Variants in ZFHX2 observed in about 807,000 individuals in gnomAD.
The protein encoded by ZFHX2 is zinc finger homeobox 2, also known as zinc finger homeobox protein 2.
ZFHX2 carries 75 observed loss-of-function variants against 164.8 expected under a neutral mutation model. That is an observed-to-expected ratio of 0.46 (90% CI 0.38 to 0.55). ZFHX2 has a LOEUF of 0.55. Ranked by LOEUF, ZFHX2 falls within the 20% of genes least tolerant of loss-of-function variation. ZFHX2 has a pLI of 0.00. For synonymous variants in ZFHX2, 1,217 were observed against 1,351.4 expected (o/e 0.90, Z 2.18); for missense variants, 2,933 against 3,308.0 (o/e 0.89, Z 2.78).
rs1387801934 is a variant in ZFHX2, at chr14:23,535,366, G to A, written c.-41C>T. On this transcript the variant is annotated 5_prime_UTR_variant, in exon 2 of 10. Transcript: ENST00000419474. The surrounding 1 kb of genome is among the most constrained non-coding windows in gnomAD (Gnocchi z 4.5). Reference sequence around the variant, plus strand: ...GCTGGGGGCTCATGTCAGCGTGACAGCCAGTACCCTGTAGGGAGACAAGGA... The same window carrying A: ...GCTGGGGGCTCATGTCAGCGTGACAACCAGTACCCTGTAGGGAGACAAGGA... 7.0e-7 allele frequency: 1 copy of A among 1,438,540 alleles called. No individual in the cohort carries two copies. The highest frequency in any genetic ancestry group is 2.8e-5 in the Admixed American group (1 of 35,872). The allele number at this position is 1,438,540 out of a possible 1,614,324, so 89.1% of individuals were successfully genotyped here. A position where few individuals can be genotyped will look rare whatever the true frequency, so the allele number is the denominator to read the frequency against.
In ZFHX2 at chr14:23,523,391, C is replaced by T. The variant is rs1566570556; in HGVS notation, c.6551G>A (p.Ser2184Asn). 2.0e-6 allele frequency: 3 copies of T among 1,505,874 alleles called. No individual in the cohort carries two copies. The South Asian group carries it at 3.8e-5, about 19-fold the overall frequency. 93.3% of individuals were successfully genotyped at this position (1,505,874 alleles called of 1,614,324 possible). A position where few individuals can be genotyped will look rare whatever the true frequency, so the allele number is the denominator to read the frequency against. The change falls in exon 9 of 10, where the codon AGT becomes AAT. Residue 2184 changes from serine (S) to asparagine (N), a missense_variant. Physicochemically the swap from Ser to Asn is conservative, Grantham distance 46. Transcript: ENST00000419474. The surrounding 1 kb of genome is among the most constrained non-coding windows in gnomAD (Gnocchi z 4.1). ...LKEAVRAQLK[S>N]ESKCYDLAPA... ...GGCCAAGTCGTAGCACTTGCTTTCA[C>T]TCTTCAGCTGGGCTCGAACCGCCTC... is the stretch of plus-strand genomic sequence containing the variant.
Position 23,551,674 on chromosome 14 carries a change from TCTCCTCCTC to T in ZFHX2, c.-390_-382del, listed in dbSNP as rs1161562213. ...CCTGCCTCCTCCTCCTCCTCCTCCTTCTCCTCCTCGCCCTCCTCCTCCTCCTCCTCCTCG... is the reference window on the plus strand; with the variant it reads ...CCTGCCTCCTCCTCCTCCTCCTCCTTGCCCTCCTCCTCCTCCTCCTCCTCG... On this transcript the variant is annotated 5_prime_UTR_variant, in exon 1 of 10. Transcript: ENST00000419474. The surrounding 1 kb of genome is among the most constrained non-coding windows in gnomAD (Gnocchi z 5.3). 3 of 151,636 alleles carry T rather than the reference TCTCCTCCTC, an allele frequency of 2.0e-5. No homozygotes were observed. Among genetic ancestry groups the T allele is most frequent in the African/African-American group, 5.0e-5 (2 of 39,966 alleles). 9.4% of individuals were successfully genotyped at this position (151,636 alleles called of 1,614,324 possible).
chr14:23,547,963 C>A (rs767543265), intron 1 of ZFHX2, among the ~76,000 whole-genome samples: 3 of 152,136 alleles, frequency 2.0e-5, no homozygotes, highest in Non-Finnish European at 4.4e-5. Flanking sequence ...GTCCCATTTC[C>A]CCCCTTTCTG....
rs1219186156 is a variant in ZFHX2 at position 23,524,060 on chromosome 14, C to T, written c.5882G>A (p.Arg1961Lys). 14 of 1,517,738 alleles carry T rather than the reference C, an allele frequency of 9.2e-6. No individual in the cohort carries two copies. The highest frequency in any genetic ancestry group is 1.7e-4 in the Middle Eastern group (1 of 5,890). The allele number at this position is 1,517,738 out of a possible 1,614,324, so 94.0% of individuals were successfully genotyped here. A position where few individuals can be genotyped will look rare whatever the true frequency, so the allele number is the denominator to read the frequency against. Residue 1961 changes from arginine (R) to lysine (K), a missense_variant, in exon 9 of 10, where the codon AGG (arginine) becomes AAG (lysine). Coordinates refer to ENST00000419474, the MANE Select transcript of ZFHX2 (RefSeq NM_033400.3). The surrounding 1 kb of genome is among the most constrained non-coding windows in gnomAD (Gnocchi z 5.6). The stretch of plus-strand genomic sequence containing the variant: ...GGGGTAGGGAAAAGCAGGTGCTTCC[C>T]TCTTTGGGGCTTCCCTCCCAGTGCC... ...DDGTGREAPK[R>K]EAPAFPYPTA...
rs774782273 is a variant in ZFHX2, at chr14:23,524,519, G to A, written c.5423C>T (p.Pro1808Leu). 47 of 1,526,240 alleles carry A rather than the reference G, an allele frequency of 3.1e-5. No individual in the cohort carries two copies. Among genetic ancestry groups the A allele is most frequent in the Admixed American group, 5.9e-5 (3 of 50,448 alleles). The allele number at this position is 1,526,240 out of a possible 1,614,324, so 94.5% of individuals were successfully genotyped here. Residue 1808 changes from proline (P) to leucine (L), a missense_variant, in exon 9 of 10, where the codon CCC (proline) becomes CTC (leucine). By Grantham distance (98) the Pro-to-Leu change is moderately conservative. Transcript: ENST00000419474. The surrounding 1 kb of genome is among the most constrained non-coding windows in gnomAD (Gnocchi z 5.6). ...GTTTCTCTCCCCAAACACCAGCAAG[G>A]GCAGATCTAGGAGTTGGGGGGGAGC... ...PSAPPQLLDL[P>L]LLVFGERNPL...
rs1878547518 is a variant in ZFHX2 at position 23,525,207 on chromosome 14, C to T, written c.4735G>A (p.Glu1579Lys). The T allele has an allele frequency of 6.5e-7, 1 of 1,536,144 alleles. No homozygotes were observed. Among genetic ancestry groups the T allele is most frequent in the Non-Finnish European group, 8.7e-7 (1 of 1,146,920 alleles). Residue 1579 changes from glutamate (E) to lysine (K), a missense_variant, in exon 9 of 10, where the codon GAG (glutamate) becomes AAG (lysine). By Grantham distance (56) the Glu-to-Lys change is moderately conservative. Transcript: ENST00000419474. This position sits in a 1 kb window ranked among gnomAD's most constrained non-coding sequence, Gnocchi z 5.9. Reference protein sequence around the residue: ...SRAGGHWPIEEEESSRGNLPP... With the variant: ...SRAGGHWPIEKEESSRGNLPP... ...AGATTCCCTCTGGAGCTTTCTTCCT[C>T]TTCTATGGGCCAGTGTCCCCCTGCT...
At chr14:23,549,248 TCCTC>T (rs1336017846) in intron 1 of ZFHX2, among the ~76,000 whole-genome samples, 1 of 152,124 alleles carries the variant, frequency 6.6e-6, no homozygotes, top group Non-Finnish European at 1.5e-5. Context: ...GCATAGATTT[TCCTC>T]CCTTCCTTTG....
Position 23,521,707 on chromosome 14 carries a change from G to A in ZFHX2, c.*255C>T. 1.8e-6 allele frequency: 1 copy of A among 549,632 alleles called. No homozygotes were observed. The allele number at this position is 549,632 out of a possible 1,614,324, so 34.0% of individuals were successfully genotyped here. A position where few individuals can be genotyped will look rare whatever the true frequency, so the allele number is the denominator to read the frequency against. Reference sequence around the variant, plus strand: ...GGTGCCAAGATGGGTGTATGTGTCTGTGAAGATGGGCAAGGGCTACATCTG... The same window carrying A: ...GGTGCCAAGATGGGTGTATGTGTCTATGAAGATGGGCAAGGGCTACATCTG... On this transcript the variant is annotated 3_prime_UTR_variant, in exon 10 of 10. Transcript: ENST00000419474.
In ZFHX2 at chr14:23,548,526, C is replaced by A. The variant is rs898255994; in HGVS notation, c.-50+2817G>T. 3 of 152,206 alleles carry A rather than the reference C, an allele frequency of 2.0e-5. No individual in the cohort carries two copies. In the East Asian group the frequency reaches 5.8e-4, roughly 29 times the overall value. 9.4% of individuals were successfully genotyped at this position (152,206 alleles called of 1,614,324 possible). ...ACCCTGTCAGGTTGCCAAGGCAATACCAGCAATTTATGACATCAGAGGCTT... is the reference window on the plus strand; with the variant it reads ...ACCCTGTCAGGTTGCCAAGGCAATAACAGCAATTTATGACATCAGAGGCTT... On this transcript the variant is annotated intron_variant, in intron 1 of 9. Coordinates refer to ENST00000419474, the MANE Select transcript of ZFHX2 (RefSeq NM_033400.3).
chr14:23,521,570 A>C lies in ZFHX2; in HGVS notation c.*392T>G, dbSNP rs552052614. 4 of 183,876 alleles carry C rather than the reference A, an allele frequency of 2.2e-5. No individual in the cohort carries two copies. Among genetic ancestry groups the C allele is most frequent in the Non-Finnish European group, 4.5e-5 (4 of 88,484 alleles). The allele number at this position is 183,876 out of a possible 1,614,324, so 11.4% of individuals were successfully genotyped here. On this transcript the variant is annotated 3_prime_UTR_variant, in exon 10 of 10. Coordinates refer to ENST00000419474, the MANE Select transcript of ZFHX2 (RefSeq NM_033400.3). ...ATCATGGGATAACGTGTGTGTGTGC[A>C]TGTATGTGTATGCATTTATGGGGAT... is the stretch of plus-strand genomic sequence containing the variant.
At position 23,534,809 on chromosome 14, in the gene ZFHX2, G is replaced by A. The variant is rs1402212130; in HGVS notation, c.517C>T (p.His173Tyr). ...AAGCCTTGGATTGGGTCAAAGCCAT[G>A]TTGGATGTGAAGGGCAGTGAGGTGT... is the stretch of plus-strand genomic sequence containing the variant. ...PSHLTALHIQ[H>Y]GFDPIQGFSS... is the part of the protein sequence containing the mutation. The change falls in exon 2 of 10, where the codon CAT becomes TAT. Residue 173 changes from histidine (H) to tyrosine (Y), a missense_variant. Transcript: ENST00000419474. The surrounding 1 kb of genome is among the most constrained non-coding windows in gnomAD (Gnocchi z 4.5). 6.5e-7 allele frequency: 1 copy of A among 1,536,208 alleles called. No homozygotes were observed. Among genetic ancestry groups the A allele is most frequent in the Non-Finnish European group, 8.7e-7 (1 of 1,146,904 alleles).
rs531237751 is a variant in ZFHX2, at chr14:23,547,839, C to G, written c.-50+3504G>C. Among the ~76,000 whole-genome samples the G allele has an allele frequency of 5.3e-5, 8 of 152,300 alleles. No homozygotes were observed. The South Asian group carries it at 1.5e-3, about 28-fold the overall frequency. The stretch of plus-strand genomic sequence containing the variant: ...CCTTTTCTGTGTGACAGACACTGTG[C>G]TAGGTGCTGGAAAACAATTGGAAAC... On this transcript the variant is annotated intron_variant, in intron 1 of 9. Transcript: ENST00000419474.
In ZFHX2 at chr14:23,534,666, G is replaced by A; in HGVS notation, c.660C>T (p.Pro220=). The change falls in exon 2 of 10, where the codon CCC becomes CCT. Residue 220 remains proline (P), a synonymous_variant. Transcript: ENST00000419474. This position sits in a 1 kb window ranked among gnomAD's most constrained non-coding sequence, Gnocchi z 4.5. ...YQLAPNPPGD[P]KDGPMGNSGG... ...CGCTGTTCCCCATGGGGCCATCTTT[G>A]GGATCTCCGGGTGGATTTGGAGCCA... 1.3e-6 allele frequency: 2 copies of A among 1,536,206 alleles called. No homozygotes were observed. The highest frequency in any genetic ancestry group is 1.7e-6 in the Non-Finnish European group (2 of 1,146,930).
chr14:23,526,457 G>A lies in ZFHX2; in HGVS notation c.3485C>T (p.Pro1162Leu). Reference protein sequence around the residue: ...GTTGELRSAEPAPADSRHPLT... With the variant: ...GTTGELRSAELAPADSRHPLT... The stretch of plus-strand genomic sequence containing the variant: ...AGGGTGGCGAGAGTCAGCTGGAGCT[G>A]GCTCTGCAGAGCGGAGCTCCCCAGT... Residue 1162 changes from proline (P) to leucine (L), a missense_variant, in exon 9 of 10, where the codon CCA (proline) becomes CTA (leucine). Pro to Leu is a moderately conservative substitution (Grantham distance 98). Transcript: ENST00000419474. 1 of 1,536,162 alleles carries A rather than the reference G, an allele frequency of 6.5e-7. No individual in the cohort carries two copies. Among genetic ancestry groups the A allele is most frequent in the Non-Finnish European group, 8.7e-7 (1 of 1,146,826 alleles).
chr14:23,522,968 G>A lies in ZFHX2; in HGVS notation c.6740-27C>T, dbSNP rs190457293. 9 of 1,432,984 alleles carry A rather than the reference G, an allele frequency of 6.3e-6. No homozygotes were observed. In the African/African-American group the frequency reaches 8.6e-5, roughly 14 times the overall value. The allele number at this position is 1,432,984 out of a possible 1,614,324, so 88.8% of individuals were successfully genotyped here. On this transcript the variant is annotated intron_variant, in intron 9 of 9. Coordinates refer to ENST00000419474, the MANE Select transcript of ZFHX2 (RefSeq NM_033400.3). ...TAGAAAGGTGAAAGGAAGGATGAAG[G>A]ATTAGCCATCTCCTGTCCCATCATT...
In ZFHX2 at chr14:23,523,435, C is replaced by A; in HGVS notation, c.6507G>T (p.Gln2169His). 6.5e-7 allele frequency: 1 copy of A among 1,534,460 alleles called. No individual in the cohort carries two copies. The highest frequency in any genetic ancestry group is 8.7e-7 in the Non-Finnish European group (1 of 1,146,008). The stretch of plus-strand genomic sequence containing the variant: ...CCGCCTCCTTGAGCTTGGCCAGGTG[C>A]TGACGGGAAAAGAGATGGCCTCGGC... ...VSCRGHLFSR[Q>H]HLAKLKEAVR... Residue 2169 changes from glutamine to histidine, a missense_variant, in exon 9 of 10, where the codon CAG becomes CAT. By Grantham distance (24) the Gln-to-His change is conservative. Transcript: ENST00000419474. The surrounding 1 kb of genome is among the most constrained non-coding windows in gnomAD (Gnocchi z 4.1).
intron 1 of ZFHX2, among the ~76,000 whole-genome samples, chr14:23,541,704 T>G (rs1880834325): frequency 6.6e-6 from 1 of 152,222 alleles, no homozygotes; most frequent in Admixed American, 6.5e-5. Context: ...AGGCTCACAT[T>G]TGGACAGAAG....
In ZFHX2 at chr14:23,534,409, A is replaced by T; in HGVS notation, c.917T>A (p.Leu306His). 1 of 1,536,794 alleles carries T rather than the reference A, an allele frequency of 6.5e-7. No homozygotes were observed. The highest frequency in any genetic ancestry group is 8.7e-7 in the Non-Finnish European group (1 of 1,147,036). Residue 306 changes from leucine (L) to histidine (H), a missense_variant, in exon 2 of 10, where the codon CTT becomes CAT. Leu to His is a moderately conservative substitution (Grantham distance 99). Transcript: ENST00000419474. The surrounding 1 kb of genome is among the most constrained non-coding windows in gnomAD (Gnocchi z 4.5). ...CATGTTCACTGTGCTGCTGTTGTCA[A>T]GGGGTATGTCAGAAGAGGGGCGAGC... is the stretch of plus-strand genomic sequence containing the variant. ...LPARPSSDIP[L>H]DNSSTVNMEA... is the part of the protein sequence containing the mutation.
At chr14:23,554,193 A>G (rs1263622231), upstream of ZFHX2, among the ~76,000 whole-genome samples, 4 of 151,922 alleles carry the variant, frequency 2.6e-5, no homozygotes, top group Non-Finnish European at 4.4e-5. Flanking sequence ...CTTTTGCCCC[A>G]CTGGATTGGA....
Sources: allele counts gnomAD v4.1 joint callset (sites outside exome capture counted in the v4.1 genomes callset), GRCh38; gene constraint gnomAD v4.1.1; non-coding constraint Gnocchi (gnomAD v3.1); transcripts MANE v1.5; gene names NCBI Gene and HGNC (gene_info 2026-07-23, HGNC 2026-07-21).